Variants in RICTOR observed in about 807,000 individuals in gnomAD.
The protein encoded by RICTOR is rapamycin-insensitive companion of mTOR.
In RICTOR, 49 loss-of-function variants were observed where a neutral mutation model predicts 214.9. That is an observed-to-expected ratio of 0.23 (90% confidence interval 0.18 to 0.29). The LOEUF (loss-of-function observed/expected upper bound fraction) is 0.29, where lower values mean the gene tolerates loss of function less well. RICTOR is among the 10% of genes least tolerant of loss of function. The probability of loss-of-function intolerance (pLI) is 1.00; values close to 1 mark genes in which losing one functional copy is unlikely to be tolerated. For missense variants in RICTOR, 1,625 were observed against 2,047.0 expected, an observed-to-expected ratio of 0.79 and a Z score of 3.98; for synonymous variants, 717 against 711.3, an observed-to-expected ratio of 1.01 and a Z score of -0.13.
At chr5:38,969,191 C>T (rs1216558322) in intron 11 of RICTOR, among the ~76,000 whole-genome samples, 2 of 151,760 alleles carry the variant, frequency 1.3e-5, no homozygotes, top group South Asian at 2.1e-4. Context: ...AGGCTGGTCT[C>T]GAACTCCTGA....
chr5:39,067,188 T>C (rs1192816727), intron 2 of RICTOR, among the ~76,000 whole-genome samples: 1 of 152,216 alleles, frequency 6.6e-6, no homozygotes, highest in Non-Finnish European at 1.5e-5. Flanking sequence ...ACAGGAAGCA[T>C]GGTGCCAGCA....
chr5:38,961,755 T>A (rs1749812295), intron 19 of RICTOR, among the ~76,000 whole-genome samples: 2 of 152,160 alleles, frequency 1.3e-5, no homozygotes, highest in Admixed American at 1.3e-4. Context: ...GTTAATGACA[T>A]GAATTTCTCA....
intron 7 of RICTOR, among the ~76,000 whole-genome samples, chr5:38,984,944 C>A (rs1296277708): frequency 6.6e-6 from 1 of 152,090 alleles, no homozygotes; most frequent in Non-Finnish European, 1.5e-5. Flanking sequence ...CTCAGCCTCC[C>A]AAGTAGCTGG....
intron 2 of RICTOR, among the ~76,000 whole-genome samples, chr5:39,069,971 A>G (rs1240198710): frequency 1.3e-5 from 2 of 152,178 alleles, no homozygotes; most frequent in Non-Finnish European, 2.9e-5. Context: ...TGATTACTTA[A>G]TTTATTTTTC....
intron 2 of RICTOR, 92 bp downstream of exon 2, chr5:39,074,019 T>C (rs1759529532): frequency 1.1e-6 from 1 of 939,120 alleles, no homozygotes; most frequent in Non-Finnish European, 1.4e-6. Flanking sequence ...GCCGGTCCCG[T>C]GCGGGGCCCG....
intron 32 of RICTOR, 92 bp downstream of exon 32, chr5:38,947,169 TGCC>T: frequency 3.5e-6 from 3 of 847,550 alleles, no homozygotes; most frequent in Non-Finnish European, 3.8e-6. Flanking sequence ...CCCAAACTGG[TGCC>T]CACCCTAAAT....
chr5:39,071,500 G>A (rs1050695469), intron 2 of RICTOR, among the ~76,000 whole-genome samples: 2 of 152,128 alleles, frequency 1.3e-5, no homozygotes, highest in Non-Finnish European at 2.9e-5. Flanking sequence ...CAAAGTATCC[G>A]GTCTTATGCC....
intron 7 of RICTOR, among the ~76,000 whole-genome samples, chr5:38,985,449 A>G (rs749880993): frequency 1.3e-5 from 2 of 151,926 alleles, no homozygotes; most frequent in Non-Finnish European, 2.9e-5. Flanking sequence ...TTGTTTTCCT[A>G]TTGGTTTGTA....
In RICTOR at chr5:38,997,862, A is replaced by T. The variant is rs548128311; in HGVS notation, c.393-980T>A. Among the ~76,000 whole-genome samples, 5 of 152,316 alleles carry T rather than the reference A, an allele frequency of 3.3e-5. No homozygotes were observed. In the South Asian group the frequency reaches 8.3e-4, roughly 25 times the overall value. On this transcript the variant is annotated intron_variant, in intron 5 of 37. Transcript: ENST00000357387. ...AAAGACAGAGGTTTAACTTCAGGGC[A>T]GCCAAAGTAGCTGGGACTTGAGGGG...
At chr5:38,996,437 T>G (rs1753181856) in intron 6 of RICTOR, among the ~76,000 whole-genome samples, 1 of 152,228 alleles carries the variant, frequency 6.6e-6, no homozygotes, top group African/African-American at 2.4e-5. Context: ...AACTTCTTAG[T>G]ATTTGTGACT....
chr5:38,952,892 T>C (rs1208378178), intron 29 of RICTOR, 93 bp downstream of exon 29: 5 of 690,848 alleles, frequency 7.2e-6, no homozygotes, highest in Non-Finnish European at 1.3e-5. Flanking sequence ...TTAACAGTTA[T>C]GCATTGCACT....
chr5:38,982,767 T>C (rs903222069), intron 7 of RICTOR, among the ~76,000 whole-genome samples: 17 of 136,108 alleles, frequency 1.2e-4, no homozygotes, highest in African/African-American at 4.7e-4. Context: ...AAATTATACA[T>C]ACATACACAC....
In RICTOR at chr5:38,996,610, C is replaced by T. The variant is rs191949812; in HGVS notation, c.456+209G>A. Among the ~76,000 whole-genome samples, 579 of 152,016 alleles carry T rather than the reference C, an allele frequency of 3.8e-3. 2 individuals are homozygous for T. Among genetic ancestry groups the T allele is most frequent in the Middle Eastern group, 6.8e-3 (2 of 292 alleles). ...ATAAACATTTTATAAGAAATATTGC[C>T]CTACCTATACCCAATCACATAGAAT... On this transcript the variant is annotated intron_variant, in intron 6 of 37. Transcript: ENST00000357387.
chr5:38,952,163 G>T, intron 30 of RICTOR, 33 bp downstream of exon 30: 1 of 1,228,260 alleles, frequency 8.1e-7, no homozygotes, highest in Non-Finnish European at 1.2e-6. Flanking sequence ...GTTAACATTG[G>T]CTAACTTTAT....
intron 10 of RICTOR, among the ~76,000 whole-genome samples, chr5:38,973,467 G>A (rs532668161): frequency 6.6e-6 from 1 of 152,268 alleles, no homozygotes; most frequent in South Asian, 2.1e-4. Flanking sequence ...TAAAATCTAG[G>A]TGGAAGTATA....
chr5:39,060,703 A>G (rs1201454071), intron 2 of RICTOR, among the ~76,000 whole-genome samples: 1 of 152,064 alleles, frequency 6.6e-6, no homozygotes, highest in East Asian at 1.9e-4. Context: ...GCTAAAATAT[A>G]CATTTCGGAT....
At chr5:38,958,973 T>C in intron 22 of RICTOR, 142 bp from the exon 23 acceptor site, 1 of 704,064 alleles carries the variant, frequency 1.4e-6, no homozygotes. Flanking sequence ...TGAATACTTT[T>C]TTGGTTCTTG....
At chr5:38,948,789 G>C (rs1748446993) in intron 31 of RICTOR, among the ~76,000 whole-genome samples, 1 of 151,964 alleles carries the variant, frequency 6.6e-6, no homozygotes, top group African/African-American at 2.4e-5. Flanking sequence ...TCCTGTAAGG[G>C]TACACAATTC....
intron 3 of RICTOR, among the ~76,000 whole-genome samples, chr5:39,013,866 T>C (rs892575005): frequency 3.3e-5 from 5 of 152,136 alleles, no homozygotes; most frequent in African/African-American, 1.2e-4. Context: ...ACACATATCA[T>C]GCTGTCATTT....
Sources: gnomAD v4.1 joint callset for allele counts (sites outside exome capture counted in the v4.1 genomes callset) on GRCh38, gnomAD v4.1.1 for gene constraint, MANE v1.5 for transcripts, NCBI Gene and HGNC (gene_info 2026-07-23, HGNC 2026-07-21) for gene names.